IPO5: variants seen among roughly 807,000 people sequenced by gnomAD.
The protein encoded by IPO5 is importin 5.
A neutral mutation model predicts 143.3 loss-of-function variants in IPO5; 18 were observed. That is an observed-to-expected ratio of 0.13 (90% CI 0.09 to 0.19). The LOEUF is 0.19. IPO5 is among the 10% of genes least tolerant of loss of function. The probability of loss-of-function intolerance (pLI) is 1.00; values close to 1 mark genes in which losing one functional copy is unlikely to be tolerated. For missense variants in IPO5, 1,013 were observed against 1,336.9 expected (o/e 0.76, Z 3.78); for synonymous variants, 477 against 465.7 (o/e 1.02, Z -0.31).
In IPO5 at chr13:98,002,498, G is replaced by A; in HGVS notation, c.1140G>A (p.Met380Ile). The change falls in exon 14 of 29, where the codon ATG becomes ATA. Residue 380 changes from methionine (M) to isoleucine (I), a missense_variant. This residue lies in a region of IPO5 where 685 missense variants were observed against 994.9 expected (regional missense o/e 0.69). Transcript: ENST00000651721. Reference protein sequence around the residue: ...PDWKYRHAGLMALSAIGEGCH... With the variant: ...PDWKYRHAGLIALSAIGEGCH... ...GGAAATACCGGCATGCAGGATTGAT[G>A]GCCTTATCTGCCATTGGTGAAGGGT... The A allele has an allele frequency of 6.2e-7, 1 of 1,613,906 alleles. No individual in the cohort carries two copies. The highest frequency in any genetic ancestry group is 8.5e-7 in the Non-Finnish European group (1 of 1,179,916).
intron 22 of IPO5, among the ~76,000 whole-genome samples, 165 bp from the exon 23 acceptor site, chr13:98,015,365 T>G (rs544642858): frequency 3.9e-5 from 6 of 152,056 alleles, no homozygotes; most frequent in Non-Finnish European, 7.4e-5. Context: ...CTAACTCCAA[T>G]CTCTAAAATG....
In IPO5 at chr13:97,990,210, G is replaced by A; in HGVS notation, c.552G>A (p.Gln184=). 6.2e-7 allele frequency: 1 copy of A among 1,603,054 alleles called. No individual in the cohort carries two copies. The highest frequency in any genetic ancestry group is 8.5e-7 in the Non-Finnish European group (1 of 1,170,612). The change falls in exon 8 of 29, where the codon CAG becomes CAA. Residue 184 remains glutamine (Q), a synonymous_variant. Coordinates refer to ENST00000651721, the MANE Select transcript of IPO5 (RefSeq NM_002271.6). The part of the protein sequence containing the change: ...KRMLVQCMQD[Q]EHPSIRTLSA... Reference sequence around the variant, plus strand: ...TGTTAGTTCAGTGTATGCAAGATCAGGAACACCCGTCGGTAAATAATTTCA... The same window carrying A: ...TGTTAGTTCAGTGTATGCAAGATCAAGAACACCCGTCGGTAAATAATTTCA...
At chr13:97,954,739 G>A (rs1409112230) in intron 2 of IPO5, among the ~76,000 whole-genome samples, 1 of 152,072 alleles carries the variant, frequency 6.6e-6, no homozygotes, top group Admixed American at 6.6e-5. Context: ...TAGATACCAG[G>A]GACTTGTCAA....
Position 97,976,683 on chromosome 13 carries a change from T to C in IPO5, c.-4-10T>C, listed in dbSNP as rs1425726825. On this transcript the variant is annotated splice_polypyrimidine_tract_variant and intron_variant, in intron 3 of 28. Transcript: ENST00000651721. ...CCTGTCTCCCCTCCCTCCTTCTCTC[T>C]CACGCCTAGCGCAATGGCGGCGGCC... The C allele has an allele frequency of 1.5e-6, 2 of 1,319,554 alleles. No individual in the cohort carries two copies. Among genetic ancestry groups the C allele is most frequent in the Middle Eastern group, 2.1e-4 (1 of 4,838 alleles). The allele number at this position is 1,319,554 out of a possible 1,614,324, so 81.7% of individuals were successfully genotyped here.
chr13:97,989,420 T>C (rs1373345194), intron 7 of IPO5, among the ~76,000 whole-genome samples: 1 of 152,194 alleles, frequency 6.6e-6, no homozygotes, highest in Admixed American at 6.5e-5. Context: ...CTGAAAGTTT[T>C]ATTGAACAGT....
intron 8 of IPO5, 58 bp from the exon 9 acceptor site, chr13:97,990,375 T>G (rs1887708001): frequency 7.5e-7 from 1 of 1,341,642 alleles, no homozygotes; most frequent in Non-Finnish European, 1.1e-6. Context: ...GTAAGAAAAC[T>G]TGAATTTGCG....
At chr13:97,969,057 C>A (rs1885580989) in intron 2 of IPO5, among the ~76,000 whole-genome samples, 1 of 149,660 alleles carries the variant, frequency 6.7e-6, no homozygotes, top group African/African-American at 2.5e-5. Flanking sequence ...CTTTTGAATA[C>A]TGTTTGCATG....
At chr13:97,984,734 T>C (rs1003433000) in intron 5 of IPO5, among the ~76,000 whole-genome samples, 9 of 152,220 alleles carry the variant, frequency 5.9e-5, no homozygotes, top group Non-Finnish European at 8.8e-5. Context: ...CTTGGGGAAA[T>C]CGAGAGCAGG....
Position 97,987,039 on chromosome 13 carries a change from C to G in IPO5, c.364+1426C>G, listed in dbSNP as rs144434857. The G allele has an allele frequency of 1.1e-3, 175 of 166,034 alleles. 2 individuals carry two copies. Among genetic ancestry groups the G allele is most frequent in the African/African-American group, 3.2e-3 (133 of 41,882 alleles). The allele number at this position is 166,034 out of a possible 1,614,324, so 10.3% of individuals were successfully genotyped here. On this transcript the variant is annotated intron_variant, in intron 6 of 28. Transcript: ENST00000651721. The stretch of plus-strand genomic sequence containing the variant: ...GGAGGTTGGTCACGTGGTCACCCAT[C>G]TTAATGAGTTTCACTTCCTCATCTA...
chr13:97,990,285 G>T, intron 8 of IPO5, 63 bp downstream of exon 8: 1 of 1,260,004 alleles, frequency 7.9e-7, no homozygotes, highest in Non-Finnish European at 1.1e-6. Flanking sequence ...AAAGAAATTA[G>T]TATATTAGGA....
intron 2 of IPO5, among the ~76,000 whole-genome samples, chr13:97,968,165 T>C (rs986641345): frequency 6.6e-6 from 1 of 152,236 alleles, no homozygotes; most frequent in African/African-American, 2.4e-5. Flanking sequence ...TTTAGGAGTA[T>C]GCAGTTTAAT....
rs893309440 is a variant in IPO5, at chr13:97,974,048, G to C, written c.-4-2645G>C. 3.3e-5 allele frequency among the ~76,000 whole-genome samples: 5 copies of C among 152,160 alleles called. 1 individual carries two copies. The highest frequency in any genetic ancestry group is 1.2e-4 in the African/African-American group (5 of 41,418). The stretch of plus-strand genomic sequence containing the variant: ...ACTGCTCTCCACCCTGGGCAACAGA[G>C]TGAGACTCTGTCTCAAAATAATAAT... On this transcript the variant is annotated intron_variant, in intron 3 of 28. Transcript: ENST00000651721.
At chr13:98,010,506 C>T (rs1375655385) in intron 20 of IPO5, among the ~76,000 whole-genome samples, 1 of 152,046 alleles carries the variant, frequency 6.6e-6, no homozygotes, top group African/African-American at 2.4e-5. Flanking sequence ...AGTTTATAAG[C>T]TACATGAGGG....
chr13:98,004,180 A>T (rs1255390601), intron 16 of IPO5, among the ~76,000 whole-genome samples: 1 of 152,248 alleles, frequency 6.6e-6, no homozygotes, highest in South Asian at 2.1e-4. Context: ...TCAAATTGCT[A>T]TAAAAGTTTC....
Position 98,021,123 on chromosome 13 carries a change from G to A in IPO5, c.3197G>A (p.Arg1066His), listed in dbSNP as rs370003102. 5.0e-5 allele frequency: 80 copies of A among 1,603,194 alleles called. No homozygotes were observed. Among genetic ancestry groups the A allele is most frequent in the Non-Finnish European group, 6.5e-5 (77 of 1,176,378 alleles). ...PCAKRLANVV[R>H]QVQTSGGLWT... ...GCCAAACGTCTGGCCAATGTCGTTC[G>A]CCAAGTACAGGTAAGCTGATTTGGT... Residue 1066 changes from arginine (R) to histidine (H), a missense_variant, in exon 28 of 29, where the codon CGC (arginine) becomes CAC (histidine). Physicochemically the swap from Arg to His is conservative, Grantham distance 29. This residue lies in a region of IPO5 where 685 missense variants were observed against 994.9 expected (regional missense o/e 0.69). Transcript: ENST00000651721.
chr13:98,017,837 T>G (rs927966277), intron 25 of IPO5, among the ~76,000 whole-genome samples: 2 of 152,054 alleles, frequency 1.3e-5, no homozygotes, highest in East Asian at 1.9e-4. Context: ...TGTGTTTTTT[T>G]GTTGGGTTTT....
rs1890071300 is a variant in IPO5, at chr13:98,015,576, A to G, written c.2372A>G (p.Glu791Gly). The change falls in exon 23 of 29, where the codon GAA becomes GGA. Residue 791 changes from glutamate (E) to glycine (G), a missense_variant. This residue lies in a region of IPO5 where 685 missense variants were observed against 994.9 expected (regional missense o/e 0.69). Coordinates refer to ENST00000651721, the MANE Select transcript of IPO5 (RefSeq NM_002271.6). ...GDGCLNNEHF[E>G]ELGGILKAKL... is the part of the protein sequence containing the mutation. ...GGATGCCTTAATAATGAACACTTTG[A>G]AGAACTGGGAGGTATATTGAAAGCA... is the stretch of plus-strand genomic sequence containing the variant. 1 of 1,612,326 alleles carries G rather than the reference A, an allele frequency of 6.2e-7. No homozygotes were observed. The highest frequency in any genetic ancestry group is 8.5e-7 in the Non-Finnish European group (1 of 1,178,732).
intron 11 of IPO5, among the ~76,000 whole-genome samples, chr13:97,995,448 A>C (rs962657787): frequency 2.0e-5 from 3 of 151,088 alleles, no homozygotes; most frequent in Non-Finnish European, 4.4e-5. Flanking sequence ...AAAAATTCCA[A>C]CTCTAGACAG....
chr13:97,999,746 A>G (rs1888604121), intron 12 of IPO5, among the ~76,000 whole-genome samples: 1 of 152,210 alleles, frequency 6.6e-6, no homozygotes, highest in South Asian at 2.1e-4. Flanking sequence ...ATAGCTATGC[A>G]TAGTTTTTGG....
Sources: allele counts gnomAD v4.1 joint callset (sites outside exome capture counted in the v4.1 genomes callset), GRCh38; gene constraint gnomAD v4.1.1; regional missense constraint gnomAD v4.1.1; transcripts MANE v1.5; gene names NCBI Gene and HGNC (gene_info 2026-07-23, HGNC 2026-07-21).